The following SP100 variants were observed in gnomAD, a reference collection of about 807,000 sequenced individuals.
SP100 encodes SP100 nuclear body protein.
A neutral mutation model predicts 130.0 loss-of-function variants in SP100; 84 were observed. The observed-to-expected ratio is 0.65, with a 90% confidence interval of 0.54 to 0.77. The LOEUF (loss-of-function observed/expected upper bound fraction) is 0.77, where lower values mean the gene tolerates loss of function less well. SP100 is among the 30% of genes least tolerant of loss of function. The pLI, the probability that SP100 is intolerant of heterozygous loss-of-function variation, is 0.00. For synonymous variants in SP100, 331 were observed against 351.7 expected (o/e 0.94, Z 0.66); for missense variants, 978 against 1,052.2 (o/e 0.93, Z 0.97).
chr2:230,499,727 C>T (rs2066908232), intron 19 of SP100, among the ~76,000 whole-genome samples: 1 of 151,918 alleles, frequency 6.6e-6, no homozygotes, highest in African/African-American at 2.4e-5. Flanking sequence ...GCTCAGCCCT[C>T]TGGCACCCTT....
intron 24 of SP100, among the ~76,000 whole-genome samples, chr2:230,534,677 T>C (rs1435304015): frequency 1.3e-5 from 2 of 152,218 alleles, no homozygotes; most frequent in Non-Finnish European, 2.9e-5. Context: ...GTGGTCAACT[T>C]CTTTTGGGTT....
At chr2:230,468,817 CAA>C (rs10617635) in intron 13 of SP100, 979 of 149,476 alleles carry the variant, frequency 6.5e-3, no homozygotes, top group African/African-American at 0.013. Context: ...GACCCTGTCT[CAA>C]AAAAAAAAAA....
intron 4 of SP100, among the ~76,000 whole-genome samples, chr2:230,445,559 G>A (rs1017603155): frequency 6.6e-6 from 1 of 152,144 alleles, no homozygotes; most frequent in Non-Finnish European, 1.5e-5. Context: ...AGCAGTAGTT[G>A]TATATGGCTT....
chr2:230,493,817 C>G (rs1253439770), intron 17 of SP100: 1 of 152,168 alleles, frequency 6.6e-6, no homozygotes, highest in African/African-American at 2.4e-5. Context: ...GTGGCCCAGA[C>G]TGAAAGTGCA....
At chr2:230,458,718 G>A (rs1289474759) in intron 8 of SP100, among the ~76,000 whole-genome samples, 2 of 152,182 alleles carry the variant, frequency 1.3e-5, no homozygotes, top group South Asian at 2.1e-4. Flanking sequence ...GGCCTCTGGT[G>A]TGGTAGACAA....
intron 14 of SP100, chr2:230,469,763 C>T (rs951192297): frequency 7.5e-6 from 10 of 1,339,374 alleles, no homozygotes; most frequent in Admixed American, 2.6e-5. Flanking sequence ...ATAATAAATA[C>T]ATATTTTTCC....
intron 25 of SP100, 51 bp from the exon 26 acceptor site, chr2:230,540,825 G>C: frequency 6.4e-7 from 1 of 1,574,408 alleles, no homozygotes; most frequent in Non-Finnish European, 8.7e-7. Flanking sequence ...TGTAGGAATG[G>C]CGGCTGATTC....
chr2:230,461,646 G>T (rs1036605852), intron 9 of SP100, among the ~76,000 whole-genome samples: 2 of 151,982 alleles, frequency 1.3e-5, no homozygotes, highest in African/African-American at 4.8e-5. Flanking sequence ...TGTCAGAGAG[G>T]CTATTTCTGA....
intron 2 of SP100, among the ~76,000 whole-genome samples, chr2:230,438,036 A>G (rs1357311631): frequency 6.6e-6 from 1 of 152,162 alleles, no homozygotes; most frequent in Non-Finnish European, 1.5e-5. Context: ...TTGACATTAA[A>G]TGGGAACAGT....
chr2:230,485,321 T>C (rs1327674446), intron 17 of SP100, among the ~76,000 whole-genome samples: 6 of 152,134 alleles, frequency 3.9e-5, no homozygotes, highest in Non-Finnish European at 7.3e-5. Flanking sequence ...CAATGTTTTT[T>C]ATTATTGTCA....
intron 12 of SP100, 139 bp from the exon 13 acceptor site, chr2:230,466,981 G>A: frequency 1.7e-6 from 1 of 583,658 alleles, no homozygotes; most frequent in Admixed American, 2.5e-5. Context: ...GATCATGGAG[G>A]TTTGAGGCAC....
chr2:230,444,579 C>T (rs1366216534), intron 4 of SP100, among the ~76,000 whole-genome samples: 1 of 152,340 alleles, frequency 6.6e-6, no homozygotes, highest in East Asian at 1.9e-4. Flanking sequence ...CAGAGCCACA[C>T]TGGCATCAGA....
intron 17 of SP100, among the ~76,000 whole-genome samples, chr2:230,484,100 G>A (rs1214478260): frequency 6.6e-6 from 1 of 152,142 alleles, no homozygotes; most frequent in Non-Finnish European, 1.5e-5. Context: ...ACACTTGGGT[G>A]CCACTTTATA....
rs192658131 is a variant in SP100 at position 230,517,113 on chromosome 2, T to C, written c.2094+5947T>C. 2.9e-3 allele frequency among the ~76,000 whole-genome samples: 445 copies of C among 152,272 alleles called. 6 individuals are homozygous for C. The highest frequency in any genetic ancestry group is 0.01 in the African/African-American group (429 of 41,562). On this transcript the variant is annotated intron_variant, in intron 24 of 28. Transcript: ENST00000340126. ...TCATTTGACAGTTTCTCCCATACAA[T>C]TTACCAAATCAGTCTAATCATTTAA...
intron 4 of SP100, among the ~76,000 whole-genome samples, chr2:230,446,403 G>A (rs917262623): frequency 2.0e-5 from 3 of 152,086 alleles, no homozygotes; most frequent in East Asian, 1.9e-4. Flanking sequence ...GCCACTGCAC[G>A]TGGCTGATTT....
intron 2 of SP100, among the ~76,000 whole-genome samples, chr2:230,439,590 T>C (rs13017690): frequency 6.6e-6 from 1 of 151,876 alleles, no homozygotes; most frequent in East Asian, 1.9e-4. Flanking sequence ...CTTTGTTTTT[T>C]TGGTTTATTT....
At chr2:230,472,122 CAA>C (rs754574151) in intron 15 of SP100, among the ~76,000 whole-genome samples, 2 of 151,806 alleles carry the variant, frequency 1.3e-5, no homozygotes, top group Admixed American at 6.6e-5. Context: ...ATTGAAATTG[CAA>C]AAAGAGTCAA....
At position 230,522,790 on chromosome 2, in the gene SP100, C is replaced by T. The variant is rs115708441; in HGVS notation, c.2094+11624C>T. ...GGCATGAGCCACTGGCACCCAGCCCCAGTGTTCTATTTTTTAAAAAATATT... is the reference window on the plus strand; with the variant it reads ...GGCATGAGCCACTGGCACCCAGCCCTAGTGTTCTATTTTTTAAAAAATATT... On this transcript the variant is annotated intron_variant, in intron 24 of 28. Coordinates refer to ENST00000340126, the MANE Select transcript of SP100 (RefSeq NM_001080391.2). 8.2e-3 allele frequency among the ~76,000 whole-genome samples: 1,245 copies of T among 151,646 alleles called. 16 individuals are homozygous for T. The highest frequency in any genetic ancestry group is 0.029 in the African/African-American group (1,180 of 41,384).
chr2:230,531,830 G>A (rs1243604711), intron 24 of SP100, among the ~76,000 whole-genome samples: 1 of 152,142 alleles, frequency 6.6e-6, no homozygotes, highest in Non-Finnish European at 1.5e-5. Context: ...AACAAAATAT[G>A]CATCATATGT....
Sources: gnomAD v4.1 joint callset for allele counts (sites outside exome capture counted in the v4.1 genomes callset) on GRCh38, gnomAD v4.1.1 for gene constraint, MANE v1.5 for transcripts, NCBI Gene and HGNC (gene_info 2026-07-23, HGNC 2026-07-21) for gene names.